Variants in RGL1 observed in about 807,000 individuals in gnomAD.
The protein encoded by RGL1 is ral guanine nucleotide dissociation stimulator like 1.
RGL1 carries 24 observed loss-of-function variants against 95.2 expected under a neutral mutation model. That is an observed-to-expected ratio of 0.25 (90% CI 0.18 to 0.35). The LOEUF (loss-of-function observed/expected upper bound fraction) is 0.35. Among genes scored for constraint, RGL1 ranks in the 10% least tolerant of loss-of-function variants. RGL1 has a pLI of 1.00. For missense variants in RGL1, 715 were observed against 936.3 expected, an observed-to-expected ratio of 0.76 and a Z score of 3.08; for synonymous variants, 329 against 344.9, an observed-to-expected ratio of 0.95 and a Z score of 0.51.
chr1:183,745,139 G>C (rs1657545734), intron 2 of RGL1, among the ~76,000 whole-genome samples: 1 of 152,140 alleles, frequency 6.6e-6, no homozygotes, highest in Non-Finnish European at 1.5e-5. Context: ...TTGAGCATCT[G>C]TTCACATGGA....
chr1:183,655,384 T>C (rs1392711419), intron 1 of RGL1, among the ~76,000 whole-genome samples: 1 of 152,256 alleles, frequency 6.6e-6, no homozygotes, highest in African/African-American at 2.4e-5. Context: ...GAACCTACTG[T>C]ACCCAAGTAA....
intron 7 of RGL1, 73 bp from the exon 8 acceptor site, chr1:183,888,401 A>G (rs1252039499): frequency 1.1e-6 from 1 of 914,826 alleles, no homozygotes; most frequent in African/African-American, 1.6e-5. Context: ...GATACCTCTA[A>G]AACAGGAAAC....
intron 3 of RGL1, among the ~76,000 whole-genome samples, chr1:183,859,329 A>G (rs139535419): frequency 2.0e-5 from 3 of 152,362 alleles, no homozygotes; most frequent in Non-Finnish European, 4.4e-5. Flanking sequence ...ATACTTAAAT[A>G]ATTTTAAATC....
chr1:183,648,582 G>A, intron 1 of RGL1: 2 of 1,614,188 alleles, frequency 1.2e-6, no homozygotes, highest in Middle Eastern at 1.6e-4. Flanking sequence ...TTCATAAAAT[G>A]TGAGGTGTTT....
At chr1:183,787,442 T>C (rs1169518258) in intron 2 of RGL1, among the ~76,000 whole-genome samples, 2 of 152,204 alleles carry the variant, frequency 1.3e-5, no homozygotes, top group East Asian at 3.9e-4. Context: ...TTCCATTTCC[T>C]GGTCAAGGAT....
chr1:183,843,849 T>G (rs1436695135), intron 2 of RGL1, among the ~76,000 whole-genome samples: 1 of 152,048 alleles, frequency 6.6e-6, no homozygotes, highest in East Asian at 1.9e-4. Flanking sequence ...GCTTTTGAGA[T>G]GGAGTCTCGC....
intron 1 of RGL1, among the ~76,000 whole-genome samples, chr1:183,726,462 TA>T: frequency 6.6e-6 from 1 of 152,208 alleles, no homozygotes; most frequent in South Asian, 2.1e-4. Flanking sequence ...ATTCTTTATA[TA>T]CTAAATGTCT....
Position 183,659,915 on chromosome 1 carries a change from A to G in RGL1, c.-33+23414A>G, listed in dbSNP as rs61299054. ...GGGGGCCAATATTCAACATTCTTAAAGAAAAGAATTTTCAACCCAGAACTT... is the reference window on the plus strand; with the variant it reads ...GGGGGCCAATATTCAACATTCTTAAGGAAAAGAATTTTCAACCCAGAACTT... On this transcript the variant is annotated intron_variant, in intron 1 of 18. Coordinates refer to the RGL1 transcript ENST00000304685. Among the ~76,000 whole-genome samples the G allele has an allele frequency of 0.018, 2,771 of 149,958 alleles. 236 individuals are homozygous for G. In the East Asian group the frequency reaches 0.26, roughly 14 times the overall value.
At chr1:183,723,144 G>A (rs760436278) in intron 1 of RGL1, among the ~76,000 whole-genome samples, 11 of 152,012 alleles carry the variant, frequency 7.2e-5, no homozygotes, top group Admixed American at 3.3e-4. Flanking sequence ...ATAAAGATGC[G>A]TATTAAAAGC....
upstream of RGL1, among the ~76,000 whole-genome samples, chr1:183,802,932 C>T (rs1661076818): frequency 6.6e-6 from 1 of 152,190 alleles, no homozygotes; most frequent in Non-Finnish European, 1.5e-5. Context: ...TGTCTTCCCA[C>T]ATATTGACCA....
At chr1:183,922,453 G>A in intron 17 of RGL1, 117 bp downstream of exon 17, 1 of 776,316 alleles carries the variant, frequency 1.3e-6, no homozygotes, top group Non-Finnish European at 2.2e-6. Flanking sequence ...TTGGGACCTA[G>A]TGGTGGTTTT....
chr1:183,747,951 A>G (rs1017997139), intron 2 of RGL1, among the ~76,000 whole-genome samples: 1 of 152,098 alleles, frequency 6.6e-6, no homozygotes, highest in African/African-American at 2.4e-5. Flanking sequence ...TAGGTTGTGA[A>G]TCCATCTGGA....
intron 2 of RGL1, among the ~76,000 whole-genome samples, chr1:183,751,941 C>T (rs1036998741): frequency 2.6e-5 from 4 of 152,176 alleles, no homozygotes; most frequent in African/African-American, 9.7e-5. Context: ...GCAGAACTCA[C>T]CCACCTTCTG....
intron 8 of RGL1, among the ~76,000 whole-genome samples, 159 bp from the exon 9 acceptor site, chr1:183,891,918 T>TA (rs780584021): frequency 8.6e-5 from 13 of 150,944 alleles, no homozygotes; most frequent in African/African-American, 2.4e-4. Flanking sequence ...CCATCCCGCA[T>TA]AAAAAAAAAT....
Position 183,838,136 on chromosome 1 carries a change from G to A in RGL1, c.139-9430G>A, listed in dbSNP as rs75520817. Among the ~76,000 whole-genome samples the A allele has an allele frequency of 8.8e-4, 134 of 152,226 alleles. No individual in the cohort carries two copies. The East Asian group carries it at 0.023, about 27-fold the overall frequency. Reference sequence around the variant, plus strand: ...ATTATTTTATTTGAAAAATGTGGTCGGCAAACTTCTTAAAATCCACTTAAT... The same window carrying A: ...ATTATTTTATTTGAAAAATGTGGTCAGCAAACTTCTTAAAATCCACTTAAT... On this transcript the variant is annotated intron_variant, in intron 2 of 17. Coordinates refer to ENST00000360851, the MANE Select transcript of RGL1 (RefSeq NM_001297671.3).
chr1:183,742,391 T>A (rs571007801), intron 2 of RGL1: 19 of 1,396,322 alleles, frequency 1.4e-5, no homozygotes, highest in Middle Eastern at 2.3e-4. Context: ...GCTTGGCAAA[T>A]CTTTATTCAG....
At chr1:183,779,693 C>A (rs969204812) in intron 2 of RGL1, among the ~76,000 whole-genome samples, 2 of 152,038 alleles carry the variant, frequency 1.3e-5, no homozygotes, top group African/African-American at 4.8e-5. Context: ...TGTGAGATAG[C>A]CCCAAAGTTT....
At chr1:183,789,425 G>A (rs182423641) in intron 2 of RGL1, among the ~76,000 whole-genome samples, 3 of 152,228 alleles carry the variant, frequency 2.0e-5, no homozygotes, top group African/African-American at 4.8e-5. Context: ...ACTCCAGCCT[G>A]GGCAACGAGT....
intron 2 of RGL1, among the ~76,000 whole-genome samples, chr1:183,814,581 G>T (rs558692775): frequency 4.3e-4 from 65 of 152,186 alleles, no homozygotes; most frequent in African/African-American, 1.5e-3. Flanking sequence ...TTTCTGCAAA[G>T]AATTCAGCAA....
Sources: gnomAD v4.1 joint callset for allele counts (sites outside exome capture counted in the v4.1 genomes callset) on GRCh38, gnomAD v4.1.1 for gene constraint, MANE v1.5 for transcripts, NCBI Gene and HGNC (gene_info 2026-07-23, HGNC 2026-07-21) for gene names.